MTUS2: variants seen among roughly 807,000 people sequenced by gnomAD.
The protein encoded by MTUS2 is microtubule-associated tumor suppressor candidate 2.
Under a neutral mutation model 114.1 loss-of-function variants are expected in MTUS2, and 40 were observed. The ratio of observed to expected loss-of-function variants is 0.35; its 90% CI spans 0.27 to 0.46. MTUS2 has a LOEUF of 0.46. Ranked by LOEUF, MTUS2 falls within the 20% of genes least tolerant of loss-of-function variation. MTUS2 has a pLI of 1.00. For missense variants in MTUS2, 1,679 were observed against 1,705.4 expected (o/e 0.98, Z 0.27); for synonymous variants, 688 against 672.0 (o/e 1.02, Z -0.37).
At chr13:29,330,844 A>G (rs1489603360) in intron 7 of MTUS2, among the ~76,000 whole-genome samples, 3 of 152,264 alleles carry the variant, frequency 2.0e-5, no homozygotes, top group African/African-American at 7.2e-5. Context: ...GTAGCATTAT[A>G]GTATTGTTTG....
At chr13:28,899,405 G>A (rs1289627154) in intron 2 of MTUS2, among the ~76,000 whole-genome samples, 1 of 152,120 alleles carries the variant, frequency 6.6e-6, no homozygotes, top group Non-Finnish European at 1.5e-5. Flanking sequence ...AAGAAATCGA[G>A]CTGTTTCTTT....
At chr13:29,456,871 C>T (rs1190278313) in intron 9 of MTUS2, among the ~76,000 whole-genome samples, 4 of 152,176 alleles carry the variant, frequency 2.6e-5, no homozygotes, top group African/African-American at 9.7e-5. Context: ...GGCACGGTGG[C>T]TCACGCCTGT....
At chr13:29,384,767 C>G (rs188340379) in intron 8 of MTUS2, among the ~76,000 whole-genome samples, 2 of 152,312 alleles carry the variant, frequency 1.3e-5, no homozygotes, top group African/African-American at 4.8e-5. Flanking sequence ...GGATATCCTT[C>G]AAACATGGCA....
intron 1 of MTUS2, among the ~76,000 whole-genome samples, chr13:28,825,963 A>C (rs1174620253): frequency 6.6e-6 from 1 of 152,230 alleles, no homozygotes; most frequent in South Asian, 2.1e-4. Flanking sequence ...TTACTTTGCA[A>C]GCTTCTCTCA....
chr13:28,968,126 A>G (rs1883683972), intron 2 of MTUS2, among the ~76,000 whole-genome samples: 1 of 152,210 alleles, frequency 6.6e-6, no homozygotes, highest in Admixed American at 6.5e-5. Flanking sequence ...AAGTATCTGC[A>G]GTAGTGATTC....
chr13:28,844,761 C>T (rs551893227), intron 2 of MTUS2, among the ~76,000 whole-genome samples: 14 of 152,064 alleles, frequency 9.2e-5, no homozygotes, highest in South Asian at 6.3e-4. Flanking sequence ...GGACTACAGG[C>T]GCACGCCACC....
rs535531033 is a variant in MTUS2, at chr13:29,141,465, G to A, written c.2644+40495G>A. Among the ~76,000 whole-genome samples, 3 of 152,284 alleles carry A rather than the reference G, an allele frequency of 2.0e-5. No individual in the cohort carries two copies. In the South Asian group the frequency reaches 6.2e-4, roughly 32 times the overall value. ...CTGTTGGAGAGGTGCAGATAATTCA[G>A]TTTGATTGCAGCCTTGTGGTTACAG... is the stretch of plus-strand genomic sequence containing the variant. On this transcript the variant is annotated intron_variant, in intron 5 of 15. Coordinates refer to ENST00000612955, the MANE Select transcript of MTUS2 (RefSeq NM_001033602.4).
chr13:28,844,294 A>G (rs763692818), intron 2 of MTUS2, among the ~76,000 whole-genome samples: 19 of 152,138 alleles, frequency 1.2e-4, no homozygotes, highest in African/African-American at 4.6e-4. Context: ...CATTTTAAAA[A>G]TGGCTTTTTA....
chr13:29,418,207 T>G (rs949653375), intron 8 of MTUS2, among the ~76,000 whole-genome samples: 11 of 152,180 alleles, frequency 7.2e-5, no homozygotes, highest in African/African-American at 2.7e-4. Flanking sequence ...AGTGAACAGT[T>G]ACCTCGGTAA....
rs140437102 is a variant in MTUS2 at position 28,915,035 on chromosome 13, C to T, written c.-243+75185C>T. On this transcript the variant is annotated intron_variant, in intron 2 of 15. Coordinates refer to ENST00000612955, the MANE Select transcript of MTUS2 (RefSeq NM_001033602.4). ...AAGACAGGATACCAATGGGGCTCGA[C>T]TCTATCCAGCTTGCCATTCTTTGTC... is the stretch of plus-strand genomic sequence containing the variant. Among the ~76,000 whole-genome samples the T allele has an allele frequency of 3.0e-3, 451 of 151,998 alleles. 2 individuals carry two copies. The highest frequency in any genetic ancestry group is 0.01 in the African/African-American group (432 of 41,514).
intron 2 of MTUS2, among the ~76,000 whole-genome samples, chr13:28,886,892 G>A (rs1343892772): frequency 6.6e-6 from 1 of 152,210 alleles, no homozygotes; most frequent in Non-Finnish European, 1.5e-5. Flanking sequence ...GGTGAACTGT[G>A]ATGAGCAGTT....
At chr13:29,471,742 G>GCACCCC (rs764009059) in intron 9 of MTUS2, among the ~76,000 whole-genome samples, 1 of 131,602 alleles carries the variant, frequency 7.6e-6, no homozygotes, top group Non-Finnish European at 1.6e-5. Context: ...TGCAGGCCCA[G>GCACCCC]CCCCCCCCGA....
At chr13:29,358,821 G>A (rs905091207) in intron 7 of MTUS2, among the ~76,000 whole-genome samples, 1 of 152,082 alleles carries the variant, frequency 6.6e-6, no homozygotes, top group African/African-American at 2.4e-5. Context: ...CAGCCTCTAC[G>A]GCGAAGAAAG....
At chr13:29,040,597 C>G (rs957453693) in intron 4 of MTUS2, among the ~76,000 whole-genome samples, 1 of 152,138 alleles carries the variant, frequency 6.6e-6, no homozygotes, top group Non-Finnish European at 1.5e-5. Flanking sequence ...TAAGTGTTCC[C>G]TTTTCACCAC....
At chr13:29,455,905 C>T (rs756559235) in intron 9 of MTUS2, among the ~76,000 whole-genome samples, 3 of 151,922 alleles carry the variant, frequency 2.0e-5, no homozygotes, top group Non-Finnish European at 4.4e-5. Flanking sequence ...TGCTGGAGCC[C>T]GGAAGGTTGA....
At chr13:29,373,243 C>G (rs1566161377) in intron 8 of MTUS2, among the ~76,000 whole-genome samples, 1 of 152,196 alleles carries the variant, frequency 6.6e-6, no homozygotes, top group Non-Finnish European at 1.5e-5. Context: ...GTAGCACCAA[C>G]CTGCCAGAGG....
chr13:29,340,300 G>A (rs1901327841), intron 7 of MTUS2, among the ~76,000 whole-genome samples: 1 of 152,230 alleles, frequency 6.6e-6, no homozygotes, highest in African/African-American at 2.4e-5. Flanking sequence ...GACCTTTAAA[G>A]GTAGAAGATA....
At position 28,905,921 on chromosome 13, in the gene MTUS2, A is replaced by C. The variant is rs1386853278; in HGVS notation, c.-243+66071A>C. On this transcript the variant is annotated intron_variant, in intron 2 of 15. Transcript: ENST00000612955. ...GGTTGGTAAGCTATTGATTATTGCCACAATTTCAGAGCCTGTTATTGGTCT... is the reference window on the plus strand; with the variant it reads ...GGTTGGTAAGCTATTGATTATTGCCCCAATTTCAGAGCCTGTTATTGGTCT... 6.6e-5 allele frequency among the ~76,000 whole-genome samples: 10 copies of C among 151,684 alleles called. No homozygotes were observed. In the East Asian group the frequency reaches 1.9e-3, roughly 29 times the overall value.
intron 2 of MTUS2, among the ~76,000 whole-genome samples, chr13:28,926,468 G>C (rs1238816427): frequency 6.6e-6 from 1 of 152,114 alleles, no homozygotes; most frequent in Non-Finnish European, 1.5e-5. Context: ...AGGGCATTTA[G>C]TTCCAGGACC....
Sources: allele counts gnomAD v4.1 joint callset (sites outside exome capture counted in the v4.1 genomes callset), GRCh38; gene constraint gnomAD v4.1.1; transcripts MANE v1.5; gene names NCBI Gene and HGNC (gene_info 2026-07-23, HGNC 2026-07-21).